BBX: variants seen among roughly 807,000 people sequenced by gnomAD.
BBX encodes the protein BBX high mobility group box domain containing.
Under a neutral mutation model 100.2 loss-of-function variants are expected in BBX, and 30 were observed. The ratio of observed to expected loss-of-function variants is 0.30; its 90% CI spans 0.22 to 0.41. BBX has a LOEUF of 0.41. Ranked by LOEUF, BBX falls within the 10% of genes least tolerant of loss-of-function variation. BBX has a pLI of 1.00. For missense variants in BBX, 1,023 were observed against 1,129.8 expected (o/e 0.91, Z 1.35); for synonymous variants, 376 against 388.1 (o/e 0.97, Z 0.37).
At chr3:107,698,191 C>T (rs1353191261) in intron 3 of BBX, among the ~76,000 whole-genome samples, 1 of 151,848 alleles carries the variant, frequency 6.6e-6, no homozygotes, top group East Asian at 1.9e-4. Flanking sequence ...TAGACCAGAG[C>T]TGTTCCTATT....
chr3:107,675,571 C>T (rs528025113), intron 3 of BBX, among the ~76,000 whole-genome samples: 2 of 152,234 alleles, frequency 1.3e-5, no homozygotes, highest in African/African-American at 4.8e-5. Context: ...TTAATACCGT[C>T]GTTTGTGTCT....
chr3:107,710,719 C>G (rs2061663448), intron 4 of BBX, 97 bp downstream of exon 4: 1 of 1,178,330 alleles, frequency 8.5e-7, no homozygotes, highest in Non-Finnish European at 1.2e-6. Context: ...AAAGTGTTTC[C>G]AAAAGCCTGT....
intron 3 of BBX, among the ~76,000 whole-genome samples, chr3:107,673,297 T>C (rs568778305): frequency 6.6e-6 from 1 of 152,076 alleles, no homozygotes; most frequent in East Asian, 1.9e-4. Context: ...TGGGGTGTAA[T>C]GACAATTAGA....
chr3:107,647,364 A>G (rs540395673), intron 3 of BBX, among the ~76,000 whole-genome samples: 2 of 152,204 alleles, frequency 1.3e-5, no homozygotes, highest in Non-Finnish European at 2.9e-5. Flanking sequence ...AAAACTAAGT[A>G]ATGAACCAAG....
chr3:107,685,388 A>G (rs1003994484), intron 3 of BBX, among the ~76,000 whole-genome samples: 1 of 152,242 alleles, frequency 6.6e-6, no homozygotes, highest in African/African-American at 2.4e-5. Context: ...GCTATTTGCA[A>G]AGTCACACTT....
intron 3 of BBX, among the ~76,000 whole-genome samples, chr3:107,648,477 A>C (rs2057655527): frequency 6.6e-6 from 1 of 152,196 alleles, no homozygotes; most frequent in Non-Finnish European, 1.5e-5. Context: ...GAACTTTGAC[A>C]GATATTATCT....
intron 2 of BBX, among the ~76,000 whole-genome samples, chr3:107,570,355 G>A (rs897370695): frequency 1.4e-4 from 21 of 152,082 alleles, no homozygotes; most frequent in Admixed American, 9.8e-4. Context: ...TGTCGGGGGC[G>A]GGTTGGGTAA....
chr3:107,684,839 A>C (rs2059758377), intron 3 of BBX: 1 of 152,208 alleles, frequency 6.6e-6, no homozygotes, highest in African/African-American at 2.4e-5. Flanking sequence ...GGAGAGCTGC[A>C]TGTTGATAGG....
intron 2 of BBX, among the ~76,000 whole-genome samples, chr3:107,621,435 A>T (rs878867680): frequency 6.6e-6 from 1 of 152,172 alleles, no homozygotes; most frequent in Non-Finnish European, 1.5e-5. Flanking sequence ...TACCTCATGG[A>T]TATGCACATG....
At chr3:107,551,263 G>A (rs1006242820) in intron 2 of BBX, among the ~76,000 whole-genome samples, 1 of 152,192 alleles carries the variant, frequency 6.6e-6, no homozygotes, top group Non-Finnish European at 1.5e-5. Context: ...CCACGTGTTA[G>A]TTAATTATTT....
chr3:107,632,337 G>A (rs573190181), intron 2 of BBX, among the ~76,000 whole-genome samples: 1 of 152,036 alleles, frequency 6.6e-6, no homozygotes, highest in Non-Finnish European at 1.5e-5. Context: ...TGCCAGCCTT[G>A]GCCTCCCAAA....
intron 2 of BBX, among the ~76,000 whole-genome samples, chr3:107,550,424 C>G (rs894321659): frequency 6.6e-6 from 1 of 152,046 alleles, no homozygotes; most frequent in African/African-American, 2.4e-5. Flanking sequence ...TTGGGCACAT[C>G]CCCCTGAGCG....
intron 2 of BBX, among the ~76,000 whole-genome samples, chr3:107,626,034 A>G (rs1399033648): frequency 2.0e-5 from 3 of 152,188 alleles, no homozygotes; most frequent in South Asian, 4.1e-4. Flanking sequence ...AGTTCTGGAC[A>G]TATTACATGC....
In BBX at chr3:107,800,278, A is replaced by C. The variant is rs1282647687; in HGVS notation, c.2552-817A>C. Among the ~76,000 whole-genome samples the C allele has an allele frequency of 2.6e-5, 4 of 152,162 alleles. No homozygotes were observed. The East Asian group carries it at 7.7e-4, about 29-fold the overall frequency. ...ATCTGAGTTCTGTTCTGTGACTTTCATTTTGTAGATTGTTACATCCACATT... is the reference window on the plus strand; with the variant it reads ...ATCTGAGTTCTGTTCTGTGACTTTCCTTTTGTAGATTGTTACATCCACATT... On this transcript the variant is annotated intron_variant, in intron 16 of 17. Coordinates refer to ENST00000325805, the MANE Select transcript of BBX (RefSeq NM_001142568.3).
At chr3:107,795,723 T>C (rs1012679537) in intron 15 of BBX, among the ~76,000 whole-genome samples, 9 of 148,284 alleles carry the variant, frequency 6.1e-5, no homozygotes, top group South Asian at 2.2e-4. Context: ...ATTGCTGGCC[T>C]GCTTTGGGCC....
intron 2 of BBX, among the ~76,000 whole-genome samples, chr3:107,612,092 TA>T (rs2054886228): frequency 6.6e-6 from 1 of 152,172 alleles, no homozygotes; most frequent in Non-Finnish European, 1.5e-5. Flanking sequence ...ATCTCTTTAT[TA>T]AATTTATCTG....
chr3:107,679,165 T>G (rs1289573323), intron 3 of BBX, among the ~76,000 whole-genome samples: 1 of 151,862 alleles, frequency 6.6e-6, no homozygotes, highest in Non-Finnish European at 1.5e-5. Context: ...GCCAAAGATT[T>G]GTGTAGTTCT....
chr3:107,678,906 G>C (rs1297129312), intron 3 of BBX, among the ~76,000 whole-genome samples: 1 of 152,098 alleles, frequency 6.6e-6, no homozygotes, highest in Non-Finnish European at 1.5e-5. Context: ...AATAGATACT[G>C]TTATTATCCT....
At chr3:107,584,227 TGTATAAA>T (rs1480451804) in intron 2 of BBX, among the ~76,000 whole-genome samples, 2 of 108,078 alleles carry the variant, frequency 1.9e-5, no homozygotes, top group Non-Finnish European at 3.5e-5. Flanking sequence ...ATATATAATA[TGTATAAA>T]GTATAAAGTA....
Sources: allele counts gnomAD v4.1 joint callset (sites outside exome capture counted in the v4.1 genomes callset), GRCh38; gene constraint gnomAD v4.1.1; transcripts MANE v1.5; gene names NCBI Gene and HGNC (gene_info 2026-07-23, HGNC 2026-07-21).